The following TAB2 variants were observed in gnomAD, a reference collection of about 807,000 sequenced individuals.
TAB2 encodes TGF-beta-activated kinase 1 and MAP3K7-binding protein 2.
TAB2 carries 3 observed loss-of-function variants against 65.0 expected under a neutral mutation model. The ratio of observed to expected loss-of-function variants is 0.05; its 90% CI spans 0.02 to 0.12. TAB2 has a LOEUF of 0.12. Among genes scored for constraint, TAB2 ranks in the 10% least tolerant of loss-of-function variants. The pLI is 1.00. For missense variants in TAB2, 623 were observed against 840.3 expected (o/e 0.74, Z 3.20); for synonymous variants, 298 against 285.1 (o/e 1.05, Z -0.46).
intron 1 of TAB2, among the ~76,000 whole-genome samples, chr6:149,320,323 C>A (rs1346869816): frequency 1.3e-5 from 2 of 152,170 alleles, no homozygotes; most frequent in Non-Finnish European, 2.9e-5. Context: ...GTGATCCACC[C>A]GCCTCAGCCT....
At chr6:149,342,836 A>G (rs551716608) in intron 1 of TAB2, 4 of 152,312 alleles carry the variant, frequency 2.6e-5, no homozygotes, top group African/African-American at 4.8e-5. Context: ...ATTTCCAGGT[A>G]TGCTAAAGTC....
chr6:149,350,771 T>C (rs1312711700), intron 1 of TAB2, among the ~76,000 whole-genome samples: 1 of 152,074 alleles, frequency 6.6e-6, no homozygotes, highest in Admixed American at 6.6e-5. Flanking sequence ...TGTGCCACCA[T>C]GCCCAGCTTA....
At position 149,261,549 on chromosome 6, in the gene TAB2, C is replaced by T. The variant is rs570853732; in HGVS notation, c.-121+42773C>T. 4.6e-5 allele frequency among the ~76,000 whole-genome samples: 7 copies of T among 152,236 alleles called. No homozygotes were observed. The South Asian group carries it at 1.5e-3, about 32-fold the overall frequency. ...TGGCAACCACAAAGATGAAAGGGAG[C>T]AAAGTCTCCATAAGTGAAAGAGATT... On this transcript the variant is annotated intron_variant, in intron 1 of 1. Coordinates refer to the TAB2 transcript ENST00000606202.
chr6:149,367,073 T>G (rs763996280), intron 1 of TAB2, among the ~76,000 whole-genome samples: 5 of 152,124 alleles, frequency 3.3e-5, no homozygotes, highest in Non-Finnish European at 4.4e-5. Flanking sequence ...TTGCATCTTC[T>G]GTGAGCCAGG....
chr6:149,388,695 A>C (rs926271801), intron 3 of TAB2, among the ~76,000 whole-genome samples: 1 of 152,122 alleles, frequency 6.6e-6, no homozygotes, highest in African/African-American at 2.4e-5. Context: ...AATACGATTG[A>C]GGTTGAACAT....
intron 1 of TAB2, among the ~76,000 whole-genome samples, chr6:149,223,293 A>C (rs1299901468): frequency 2.0e-5 from 3 of 152,208 alleles, no homozygotes; most frequent in African/African-American, 7.2e-5. Flanking sequence ...TGACCTGTCG[A>C]TGAGGACATC....
At chr6:149,384,878 A>G (rs533007401) in intron 3 of TAB2, among the ~76,000 whole-genome samples, 2 of 152,328 alleles carry the variant, frequency 1.3e-5, no homozygotes, top group Admixed American at 6.5e-5. Context: ...AAAAAAAACT[A>G]ACATTGCTGC....
chr6:149,252,126 G>T (rs1299504544), intron 1 of TAB2, among the ~76,000 whole-genome samples: 1 of 152,172 alleles, frequency 6.6e-6, no homozygotes, highest in Non-Finnish European at 1.5e-5. Flanking sequence ...AAGAGGGCAG[G>T]CCGGGTGCAG....
intron 1 of TAB2, among the ~76,000 whole-genome samples, chr6:149,267,092 G>A (rs909703173): frequency 6.6e-6 from 1 of 152,166 alleles, no homozygotes; most frequent in African/African-American, 2.4e-5. Context: ...AATGAAGGCA[G>A]AAGGACCAGT....
intron 1 of TAB2, among the ~76,000 whole-genome samples, chr6:149,242,302 C>T (rs1439967979): frequency 6.6e-6 from 1 of 152,146 alleles, no homozygotes; most frequent in East Asian, 1.9e-4. Flanking sequence ...TCATAATACT[C>T]CCTTAAGGTT....
At chr6:149,359,302 A>G (rs1041172300) in intron 1 of TAB2, among the ~76,000 whole-genome samples, 3 of 152,214 alleles carry the variant, frequency 2.0e-5, no homozygotes, top group African/African-American at 4.8e-5. Flanking sequence ...CAGGAATCCT[A>G]TGGTATCACC....
chr6:149,230,788 A>T (rs1042625077), intron 1 of TAB2, among the ~76,000 whole-genome samples: 2 of 152,234 alleles, frequency 1.3e-5, no homozygotes, highest in Admixed American at 1.3e-4. Flanking sequence ...GTCTATTTTC[A>T]TTCTAGCTAT....
chr6:149,342,425 A>G (rs932645916), intron 1 of TAB2, among the ~76,000 whole-genome samples: 1 of 152,140 alleles, frequency 6.6e-6, no homozygotes, highest in African/African-American at 2.4e-5. Context: ...AAGCCATTAG[A>G]GATTTCATAA....
At chr6:149,299,202 T>C (rs1778928571) in intron 1 of TAB2, among the ~76,000 whole-genome samples, 1 of 152,230 alleles carries the variant, frequency 6.6e-6, no homozygotes, top group Admixed American at 6.5e-5. Context: ...TGGCTTGAAA[T>C]GTTTAATTCT....
intron 1 of TAB2, among the ~76,000 whole-genome samples, chr6:149,267,531 G>C (rs188759000): frequency 6.6e-6 from 1 of 152,110 alleles, no homozygotes. Flanking sequence ...AGCTCTAAGA[G>C]GGTAGGGATT....
At chr6:149,320,612 TTTACTC>T (rs1223220242) in intron 1 of TAB2, among the ~76,000 whole-genome samples, 2 of 152,224 alleles carry the variant, frequency 1.3e-5, no homozygotes, top group Non-Finnish European at 2.9e-5. Flanking sequence ...TGTAGGCTGT[TTTACTC>T]TATGAGTTAC....
Position 149,378,081 on chromosome 6 carries a change from G to A in TAB2, c.166G>A (p.Gly56Ser), listed in dbSNP as rs749232197. The change falls in exon 3 of 7, where the codon GGT (glycine) becomes AGT (serine). Residue 56 changes from glycine to serine, a missense_variant. Gly to Ser is a moderately conservative substitution (Grantham distance 56). Coordinates refer to ENST00000637181, the MANE Select transcript of TAB2 (RefSeq NM_001292034.3). Reference protein sequence around the residue: ...LSQESTRYLYGEGDLNFSDDS... With the variant: ...LSQESTRYLYSEGDLNFSDDS... ...TCAGGAGAGTACAAGATATCTTTAT[G>A]GTGAAGGAGACTTGAATTTTTCAGA... is the stretch of plus-strand genomic sequence containing the variant. 6 of 1,614,092 alleles carry A rather than the reference G, an allele frequency of 3.7e-6. No individual in the cohort carries two copies. In the Admixed American group the frequency reaches 1.0e-4, roughly 27 times the overall value.
chr6:149,359,046 T>C (rs1274991010), intron 1 of TAB2, among the ~76,000 whole-genome samples: 1 of 152,156 alleles, frequency 6.6e-6, no homozygotes, highest in African/African-American at 2.4e-5. Context: ...TCCACAGTCA[T>C]TTTAAATATT....
At chr6:149,318,961 G>A (rs1779349380) in intron 1 of TAB2, among the ~76,000 whole-genome samples, 1 of 152,200 alleles carries the variant, frequency 6.6e-6, no homozygotes, top group Non-Finnish European at 1.5e-5. Flanking sequence ...TTTCTCCGTA[G>A]TTCACGAAAT....
Sources: allele counts gnomAD v4.1 joint callset (sites outside exome capture counted in the v4.1 genomes callset), GRCh38; gene constraint gnomAD v4.1.1; transcripts MANE v1.5; gene names NCBI Gene and HGNC (gene_info 2026-07-23, HGNC 2026-07-21).